FILIP1: variants seen among roughly 807,000 people sequenced by gnomAD.
FILIP1 encodes filamin A interacting protein 1, also known as filamin-A-interacting protein 1.
FILIP1 carries 61 observed loss-of-function variants against 102.1 expected under a neutral mutation model. The ratio of observed to expected loss-of-function variants is 0.60; its 90% CI spans 0.49 to 0.74. The LOEUF is 0.74. Among genes scored for constraint, FILIP1 ranks in the 30% least tolerant of loss-of-function variants. The pLI is 0.00. For synonymous variants in FILIP1, 491 were observed against 526.9 expected (o/e 0.93, Z 0.93); for missense variants, 1,314 against 1,441.2 (o/e 0.91, Z 1.43).
At chr6:75,323,136 T>C (rs1380078315) in intron 4 of FILIP1, among the ~76,000 whole-genome samples, 1 of 152,228 alleles carries the variant, frequency 6.6e-6, no homozygotes, top group African/African-American at 2.4e-5. Flanking sequence ...GAAAACTCTT[T>C]ATTAATGTGA....
At chr6:75,445,611 C>T (rs559042923) in intron 1 of FILIP1, among the ~76,000 whole-genome samples, 2 of 151,844 alleles carry the variant, frequency 1.3e-5, no homozygotes, top group Non-Finnish European at 2.9e-5. Context: ...GCAGGAACCA[C>T]ATTTAATTTT....
chr6:75,383,296 A>T (rs1263725819), intron 2 of FILIP1, among the ~76,000 whole-genome samples: 1 of 152,172 alleles, frequency 6.6e-6, no homozygotes, highest in Non-Finnish European at 1.5e-5. Flanking sequence ...TAAAGGATTA[A>T]TGGAGACCAT....
chr6:75,476,987 C>T (rs184455151), intron 1 of FILIP1, among the ~76,000 whole-genome samples: 51 of 152,128 alleles, frequency 3.4e-4, no homozygotes, highest in African/African-American at 1.1e-3. Flanking sequence ...AGAATGATTG[C>T]GGTTATTAGT....
rs780180968 is a variant in FILIP1, at chr6:75,313,380, C to A, written c.2452G>T (p.Glu818Ter). 1.5e-5 allele frequency: 25 copies of A among 1,614,190 alleles called. No individual in the cohort carries two copies. The highest frequency in any genetic ancestry group is 2.0e-5 in the Non-Finnish European group (24 of 1,180,032). Reference protein sequence around the residue: ...DAVSGEAAEEETPAVFIRKSF... With the variant: ...DAVSGEAAEE ...TTCCGTATGAATACAGCTGGCGTTT[C>A]TTCCTCTGCTGCTTCACCGCTGACT... Residue 818 changes from glutamate (E) to a stop codon, truncating the protein, a stop_gained, in exon 5 of 6, where the codon GAA (glutamate) becomes TAA (stop). Transcript: ENST00000237172. LOFTEE classifies it high-confidence loss of function. This position sits in a 1 kb window ranked among gnomAD's most constrained non-coding sequence, Gnocchi z 4.2.
At position 75,308,362 on chromosome 6, in the gene FILIP1, T is replaced by G. The variant is rs1773054470; in HGVS notation, c.*329A>C. ...AATTAGGAAATATGGGAGCCGGACT[T>G]GAAGAGCGTGTGATTGAGTCCCCAC... is the stretch of plus-strand genomic sequence containing the variant. On this transcript the variant is annotated 3_prime_UTR_variant, in exon 6 of 6. Coordinates refer to ENST00000237172, the MANE Select transcript of FILIP1 (RefSeq NM_015687.5). 3.9e-6 allele frequency: 4 copies of G among 1,035,398 alleles called. No individual in the cohort carries two copies. Among genetic ancestry groups the G allele is most frequent in the Non-Finnish European group, 3.5e-6 (3 of 855,026 alleles). The allele number at this position is 1,035,398 out of a possible 1,614,324, so 64.1% of individuals were successfully genotyped here.
At chr6:75,417,534 G>C (rs527501838) in intron 1 of FILIP1, among the ~76,000 whole-genome samples, 1 of 152,186 alleles carries the variant, frequency 6.6e-6, no homozygotes, top group Middle Eastern at 3.4e-3. Context: ...AGCAATAATG[G>C]ACTTGCATGT....
At chr6:75,304,743 A>G (rs1582309351), downstream of FILIP1, among the ~76,000 whole-genome samples, 1 of 152,360 alleles carries the variant, frequency 6.6e-6, no homozygotes, top group African/African-American at 2.4e-5. Context: ...AGTTAGAAAT[A>G]TGGAGATAAA....
Position 75,312,054 on chromosome 6 carries a change from T to C in FILIP1, c.3435+343A>G, listed in dbSNP as rs189068099. On this transcript the variant is annotated intron_variant, in intron 5 of 5. Coordinates refer to ENST00000237172, the MANE Select transcript of FILIP1 (RefSeq NM_015687.5). The stretch of plus-strand genomic sequence containing the variant: ...CTCCATATAGACCATTTCCCCCGTC[T>C]CCATTCAAAAAAAGTATCTTAAACA... Among the ~76,000 whole-genome samples, 17 of 152,212 alleles carry C rather than the reference T, an allele frequency of 1.1e-4. 1 individual carries two copies. The highest frequency in any genetic ancestry group is 3.6e-4 in the African/African-American group (15 of 41,548).
chr6:75,462,633 T>C (rs1236320283), intron 1 of FILIP1, among the ~76,000 whole-genome samples: 1 of 152,134 alleles, frequency 6.6e-6, no homozygotes, highest in African/African-American at 2.4e-5. Context: ...TTGATAAGTA[T>C]TGCTATAGCT....
intron 1 of FILIP1, among the ~76,000 whole-genome samples, chr6:75,478,614 C>T (rs12211255): frequency 6.6e-6 from 1 of 152,038 alleles, no homozygotes; most frequent in Non-Finnish European, 1.5e-5. Flanking sequence ...TGGGAAATAA[C>T]GCAAGACAGG....
intron 4 of FILIP1, among the ~76,000 whole-genome samples, chr6:75,331,881 T>A (rs2149578974): frequency 6.6e-6 from 1 of 152,276 alleles, no homozygotes; most frequent in South Asian, 2.1e-4. Flanking sequence ...TATTAAGAGT[T>A]GTGGCCTTTG....
intron 6 of FILIP1, among the ~76,000 whole-genome samples, chr6:75,301,588 AC>A (rs1320223248): frequency 1.3e-5 from 2 of 152,212 alleles, no homozygotes; most frequent in Admixed American, 1.3e-4. Flanking sequence ...GGCCAAAAGT[AC>A]TTTTACCAGG....
Position 75,436,639 on chromosome 6 carries a change from G to A in FILIP1, c.-6-21661C>T, listed in dbSNP as rs140491118. Among the ~76,000 whole-genome samples the A allele has an allele frequency of 4.0e-3, 602 of 152,264 alleles. 7 individuals carry two copies. Among genetic ancestry groups the A allele is most frequent in the African/African-American group, 0.014 (579 of 41,562 alleles). On this transcript the variant is annotated intron_variant, in intron 1 of 5. Transcript: ENST00000237172. ...GGGACAGATAAAGCCCTGTCCCAAA[G>A]CTATCTTTTGATGACGAGACAGGTG...
intron 2 of FILIP1, among the ~76,000 whole-genome samples, chr6:75,373,628 T>TACATTC (rs1433036743): frequency 4.6e-5 from 7 of 151,158 alleles, no homozygotes; most frequent in Non-Finnish European, 8.8e-5. Context: ...AATTTAAGTA[T>TACATTC]ACATTCACCT....
chr6:75,351,229 A>T (rs1310248967), intron 4 of FILIP1, among the ~76,000 whole-genome samples: 1 of 152,078 alleles, frequency 6.6e-6, no homozygotes, highest in East Asian at 1.9e-4. Flanking sequence ...ATGCCCGGCT[A>T]ATTTTTGTAT....
At position 75,308,718 on chromosome 6, in the gene FILIP1, G is replaced by A. The variant is rs775329549; in HGVS notation, c.3615C>T (p.Thr1205=). The A allele has an allele frequency of 1.7e-5, 27 of 1,613,234 alleles. No homozygotes were observed. The Admixed American group carries it at 3.0e-4, about 18-fold the overall frequency. The change falls in exon 6 of 6, where the codon ACC becomes ACT. Residue 1205 remains threonine (T), a synonymous_variant. Coordinates refer to ENST00000237172, the MANE Select transcript of FILIP1 (RefSeq NM_015687.5). ...AGCCCTTCCCCCCTCCGAGAGAGGT[G>A]GTGCTGCTGGCTGCAGATTTCTTCA... ...IELKKSAASS[T]TSLGGGKG is the part of the protein sequence containing the mutation.
At chr6:75,400,300 T>C (rs1776609129) in intron 2 of FILIP1, among the ~76,000 whole-genome samples, 1 of 152,218 alleles carries the variant, frequency 6.6e-6, no homozygotes, top group South Asian at 2.1e-4. Context: ...ACCCAGTTTA[T>C]ACTTGCCAAT....
intron 1 of FILIP1, among the ~76,000 whole-genome samples, chr6:75,418,485 T>C (rs894189566): frequency 1.3e-5 from 2 of 152,204 alleles, no homozygotes. Flanking sequence ...TACAGACTCA[T>C]TGTGTTAAAA....
chr6:75,302,725 A>G (rs1190910676), intron 6 of FILIP1, among the ~76,000 whole-genome samples: 2 of 152,168 alleles, frequency 1.3e-5, no homozygotes, highest in African/African-American at 4.8e-5. Flanking sequence ...AGTAGAGCCC[A>G]GTCACAGAGT....
Sources: gnomAD v4.1 joint callset for allele counts (sites outside exome capture counted in the v4.1 genomes callset) on GRCh38, gnomAD v4.1.1 for gene constraint, Gnocchi (gnomAD v3.1) non-coding constraint, MANE v1.5 for transcripts, NCBI Gene and HGNC (gene_info 2026-07-23, HGNC 2026-07-21) for gene names.